The following DPYSL5 variants were observed in gnomAD, a reference collection of about 807,000 sequenced individuals.
DPYSL5 encodes dihydropyrimidinase like 5.
A neutral mutation model predicts 58.4 loss-of-function variants in DPYSL5; 9 were observed. The observed-to-expected ratio is 0.15, with a 90% CI of 0.09 to 0.27. The LOEUF (loss-of-function observed/expected upper bound fraction) is 0.27, where lower values mean the gene tolerates loss of function less well. DPYSL5 is among the 10% of genes least tolerant of loss of function. The probability of loss-of-function intolerance (pLI) is 1.00; values close to 1 mark genes in which losing one functional copy is unlikely to be tolerated. For missense variants in DPYSL5, 499 were observed against 770.6 expected, an observed-to-expected ratio of 0.65 and a Z score of 4.17; for synonymous variants, 293 against 301.9, an observed-to-expected ratio of 0.97 and a Z score of 0.31.
At chr2:26,853,179 T>TG (rs1017799785) in intron 1 of DPYSL5, among the ~76,000 whole-genome samples, 1 of 152,192 alleles carries the variant, frequency 6.6e-6, no homozygotes, top group African/African-American at 2.4e-5. Flanking sequence ...AGAAGTGCTG[T>TG]GACCTCAGCT....
chr2:26,931,137 T>TAA (rs61652873), intron 5 of DPYSL5, among the ~76,000 whole-genome samples: 24 of 49,542 alleles, frequency 4.8e-4, no homozygotes, highest in African/African-American at 1.5e-3. Flanking sequence ...AGACCCTATC[T>TAA]AAAAAAAAAA....
chr2:26,881,763 T>G (rs895924951), intron 1 of DPYSL5, among the ~76,000 whole-genome samples: 1 of 152,146 alleles, frequency 6.6e-6, no homozygotes, highest in Admixed American at 6.5e-5. Context: ...GGGAATGCCT[T>G]GTACCCTTTT....
At chr2:26,858,703 A>G (rs1304128428) in intron 1 of DPYSL5, among the ~76,000 whole-genome samples, 1 of 149,690 alleles carries the variant, frequency 6.7e-6, no homozygotes, top group African/African-American at 2.5e-5. Context: ...AGCTGGGACC[A>G]CAGGTGCAGG....
At chr2:26,906,903 G>A (rs781683534) in intron 2 of DPYSL5, among the ~76,000 whole-genome samples, 1 of 152,078 alleles carries the variant, frequency 6.6e-6, no homozygotes, top group Non-Finnish European at 1.5e-5. Flanking sequence ...TGGGACTGCA[G>A]GCACATGCCA....
intron 1 of DPYSL5, among the ~76,000 whole-genome samples, chr2:26,882,650 C>T (rs1258605898): frequency 5.9e-5 from 9 of 152,050 alleles, no homozygotes; most frequent in Non-Finnish European, 1.0e-4. Context: ...CCTATAATCC[C>T]AGCACTTTGG....
intron 1 of DPYSL5, among the ~76,000 whole-genome samples, chr2:26,857,400 C>T (rs538807945): frequency 9.2e-5 from 14 of 152,090 alleles, no homozygotes; most frequent in Non-Finnish European, 1.9e-4. Context: ...CTTAGCTGGG[C>T]GTGGTGGTGC....
intron 1 of DPYSL5, among the ~76,000 whole-genome samples, chr2:26,897,818 T>G (rs1278937906): frequency 6.6e-6 from 1 of 152,202 alleles, no homozygotes; most frequent in Non-Finnish European, 1.5e-5. Context: ...TCTGCATCTC[T>G]GGGGGTGGGG....
Position 26,936,900 on chromosome 2 carries a change from C to G in DPYSL5, c.947+2166C>G, listed in dbSNP as rs187892174. Among the ~76,000 whole-genome samples the G allele has an allele frequency of 6.4e-4, 92 of 144,302 alleles. 1 individual carries two copies. In the South Asian group the frequency reaches 0.018, roughly 29 times the overall value. The allele number at this position is 144,302 out of a possible 152,430, so 94.7% of individuals were successfully genotyped here. A position where few individuals can be genotyped will look rare whatever the true frequency, so the allele number is the denominator to read the frequency against. On this transcript the variant is annotated intron_variant, in intron 8 of 12. Transcript: ENST00000288699. ...GGCGGAGGTTGCAGTGAGCTGAGAT[C>G]GCACAACTGCACTCCAGCGTGGGCA... is the stretch of plus-strand genomic sequence containing the variant.
At chr2:26,911,359 G>A in intron 2 of DPYSL5, among the ~76,000 whole-genome samples, 1 of 142,810 alleles carries the variant, frequency 7.0e-6, no homozygotes, top group East Asian at 2.0e-4. Context: ...AAATAGTTTA[G>A]TGCAGGCTGC....
intron 1 of DPYSL5, among the ~76,000 whole-genome samples, chr2:26,868,059 G>T (rs1338737300): frequency 2.6e-5 from 4 of 152,174 alleles, no homozygotes; most frequent in Admixed American, 2.6e-4. Context: ...GATGTAAAGT[G>T]ATACCTCATT....
rs937422968 is a variant in DPYSL5, at chr2:26,934,958, A to G, written c.947+224A>G. Among the ~76,000 whole-genome samples, 2 of 152,212 alleles carry G rather than the reference A, an allele frequency of 1.3e-5. No individual in the cohort carries two copies. The highest frequency in any genetic ancestry group is 2.9e-5 in the Non-Finnish European group (2 of 68,038). On this transcript the variant is annotated intron_variant, in intron 8 of 12. Coordinates refer to ENST00000288699, the MANE Select transcript of DPYSL5 (RefSeq NM_020134.4). The surrounding 1 kb of genome is among the most constrained non-coding windows in gnomAD (Gnocchi z 4.3). ...TCTGAAGTATAAGAGTGAAGAGCAC[A>G]TATAGAACTGTGAACCGTGGTTATT...
intron 9 of DPYSL5, among the ~76,000 whole-genome samples, chr2:26,941,136 C>A (rs1245769592): frequency 6.6e-6 from 1 of 151,776 alleles, no homozygotes; most frequent in Non-Finnish European, 1.5e-5. Flanking sequence ...GGGTTTTCAC[C>A]ATGTTGGTTG....
chr2:26,932,307 C>T (rs1301744531), intron 6 of DPYSL5, among the ~76,000 whole-genome samples: 1 of 152,204 alleles, frequency 6.6e-6, no homozygotes, highest in Non-Finnish European at 1.5e-5. Flanking sequence ...GAACCCAGAG[C>T]TGTTTGCTGA....
rs766781287 is a variant in DPYSL5, at chr2:26,898,733, C to T, written c.234C>T (p.Cys78=). The change falls in exon 2 of 13, where the codon TGC becomes TGT. Residue 78 remains cysteine (C), a synonymous_variant. Transcript: ENST00000288699. This position sits in a 1 kb window ranked among gnomAD's most constrained non-coding sequence, Gnocchi z 6.1. ...HFHQTFMNAT[C]VDDFYHGTKA... is the part of the protein sequence containing the mutation. ...ACCAGACCTTCATGAATGCCACGTG[C>T]GTGGACGACTTCTACCATGGGACCA... 17 of 1,611,834 alleles carry T rather than the reference C, an allele frequency of 1.1e-5. No homozygotes were observed. The highest frequency in any genetic ancestry group is 3.3e-4 in the Middle Eastern group (2 of 6,070).
At chr2:26,909,397 T>G (rs534194473) in intron 2 of DPYSL5, among the ~76,000 whole-genome samples, 4 of 152,288 alleles carry the variant, frequency 2.6e-5, no homozygotes, top group African/African-American at 9.6e-5. Context: ...ATACTACCCC[T>G]AATTCATAAA....
intron 2 of DPYSL5, among the ~76,000 whole-genome samples, chr2:26,916,163 A>G (rs528167975): frequency 6.6e-5 from 10 of 152,114 alleles, no homozygotes; most frequent in Non-Finnish European, 1.3e-4. Context: ...CTCGTCTGTC[A>G]TCAAAGCTTG....
chr2:26,861,069 C>A (rs900242108), intron 1 of DPYSL5, among the ~76,000 whole-genome samples: 3 of 152,136 alleles, frequency 2.0e-5, no homozygotes, highest in Non-Finnish European at 4.4e-5. Flanking sequence ...AGTTCTTGGG[C>A]CCATGTGGAT....
chr2:26,927,330 G>A lies in DPYSL5; in HGVS notation c.498G>A (p.Leu166=), dbSNP rs1170945223. The part of the protein sequence containing the change: ...SFQMFMTYKD[L]YMLRDSELYQ... ...AGATGTTCATGACCTACAAGGACCT[G>A]TACATGCTTCGAGACAGTGAGCTGT... Residue 166 remains leucine (L), a synonymous_variant, in exon 4 of 13, where the codon CTG becomes CTA. Transcript: ENST00000288699. The surrounding 1 kb of genome is among the most constrained non-coding windows in gnomAD (Gnocchi z 4.3). 1 of 1,614,236 alleles carries A rather than the reference G, an allele frequency of 6.2e-7. No individual in the cohort carries two copies. The highest frequency in any genetic ancestry group is 8.5e-7 in the Non-Finnish European group (1 of 1,180,036).
At position 26,944,354 on chromosome 2, in the gene DPYSL5, T is replaced by C. The variant is rs943868870; in HGVS notation, c.1441-302T>C. ...TGTCTACCTGCTACCTCGGTGAGGC[T>C]TCCATCAGTGTTGAGGGGGAGCCAG... is the stretch of plus-strand genomic sequence containing the variant. On this transcript the variant is annotated intron_variant, in intron 11 of 12. Coordinates refer to ENST00000288699, the MANE Select transcript of DPYSL5 (RefSeq NM_020134.4). The surrounding 1 kb of genome is among the most constrained non-coding windows in gnomAD (Gnocchi z 4.4). Among the ~76,000 whole-genome samples, 1 of 152,188 alleles carries C rather than the reference T, an allele frequency of 6.6e-6. No homozygotes were observed. Among genetic ancestry groups the C allele is most frequent in the Non-Finnish European group, 1.5e-5 (1 of 68,028 alleles).
Sources: gnomAD v4.1 joint callset for allele counts (sites outside exome capture counted in the v4.1 genomes callset) on GRCh38, gnomAD v4.1.1 for gene constraint, Gnocchi (gnomAD v3.1) non-coding constraint, MANE v1.5 for transcripts, NCBI Gene and HGNC (gene_info 2026-07-23, HGNC 2026-07-21) for gene names.